Variants in NOX4 observed in about 807,000 individuals in gnomAD.
The protein encoded by NOX4 is kidney oxidase-1.
Under a neutral mutation model 87.6 loss-of-function variants are expected in NOX4, and 69 were observed. The ratio of observed to expected loss-of-function variants is 0.79; its 90% CI spans 0.65 to 0.96. The LOEUF (loss-of-function observed/expected upper bound fraction) is 0.96. NOX4 is among the 40% of genes least tolerant of loss of function. The pLI, the probability that NOX4 is intolerant of heterozygous loss-of-function variation, is 0.00. For missense variants in NOX4, 680 were observed against 681.5 expected (o/e 1.00, Z 0.02); for synonymous variants, 275 against 238.2 (o/e 1.15, Z -1.42).
chr11:89,389,603 T>G (rs1050758628), intron 11 of NOX4, among the ~76,000 whole-genome samples: 1 of 152,184 alleles, frequency 6.6e-6, no homozygotes, highest in African/African-American at 2.4e-5. Flanking sequence ...TTCACATTAC[T>G]ATAGAAAACA....
chr11:89,465,759 T>C (rs1327122653), intron 2 of NOX4, among the ~76,000 whole-genome samples: 1 of 152,160 alleles, frequency 6.6e-6, no homozygotes, highest in Non-Finnish European at 1.5e-5. Flanking sequence ...CATGTGTCTG[T>C]TGGCTGCATA....
chr11:89,558,607 G>C, the NOX4 span, among the ~76,000 whole-genome samples: 1 of 152,102 alleles, frequency 6.6e-6, no homozygotes, highest in Non-Finnish European at 1.5e-5. Context: ...CAAATATGTT[G>C]ACCTATCCTC....
At chr11:89,540,649 A>G in the NOX4 span, among the ~76,000 whole-genome samples, 79,681 of 150,870 alleles carry the variant, frequency 0.53, 22,148 homozygotes, top group African/African-American at 0.7. Context: ...TTAGCCGGGC[A>G]TGGTGGCGGG....
At chr11:89,526,902 T>C in the NOX4 span, among the ~76,000 whole-genome samples, 1 of 152,124 alleles carries the variant, frequency 6.6e-6, no homozygotes, top group African/African-American at 2.4e-5. Flanking sequence ...TTTGGAAGTG[T>C]GTAACAGGCA....
At chr11:89,368,666 T>A (rs1384792331) in intron 12 of NOX4, among the ~76,000 whole-genome samples, 2 of 152,118 alleles carry the variant, frequency 1.3e-5, no homozygotes, top group Non-Finnish European at 2.9e-5. Context: ...TCCTACCTCT[T>A]AATATTATCA....
chr11:89,501,597 G>A (rs912311139), upstream of NOX4, among the ~76,000 whole-genome samples: 2 of 152,026 alleles, frequency 1.3e-5, no homozygotes, highest in Non-Finnish European at 2.9e-5. Flanking sequence ...AGAACCACAA[G>A]GCTGGTATAC....
At chr11:89,518,674 T>C in the NOX4 span, among the ~76,000 whole-genome samples, 1 of 151,970 alleles carries the variant, frequency 6.6e-6, no homozygotes, top group African/African-American at 2.4e-5. Context: ...CTCTACACTT[T>C]TGCCAAATTG....
intron 2 of NOX4, among the ~76,000 whole-genome samples, chr11:89,469,842 T>C (rs1295234186): frequency 6.6e-6 from 1 of 152,198 alleles, no homozygotes; most frequent in Non-Finnish European, 1.5e-5. Context: ...TATTGGACTG[T>C]ACATAGTTAT....
chr11:89,363,340 T>A (rs548484224), intron 12 of NOX4, among the ~76,000 whole-genome samples: 95 of 152,246 alleles, frequency 6.2e-4, no homozygotes, highest in Admixed American at 1.8e-3. Flanking sequence ...ATATTTTGGA[T>A]AATCAGAATT....
the NOX4 span, among the ~76,000 whole-genome samples, chr11:89,518,773 G>T: frequency 1.3e-5 from 2 of 152,006 alleles, no homozygotes; most frequent in Admixed American, 1.3e-4. Flanking sequence ...ACCATGTGAC[G>T]TGGAGTAATT....
intron 11 of NOX4, among the ~76,000 whole-genome samples, chr11:89,395,894 T>C (rs1941450388): frequency 6.6e-6 from 1 of 152,158 alleles, no homozygotes; most frequent in Admixed American, 6.6e-5. Flanking sequence ...CCATGCTGTT[T>C]TGGTTACTGT....
At chr11:89,362,493 G>A (rs927783794) in intron 12 of NOX4, among the ~76,000 whole-genome samples, 1 of 151,948 alleles carries the variant, frequency 6.6e-6, no homozygotes, top group Non-Finnish European at 1.5e-5. Context: ...AGTATTGCCT[G>A]TTGGCTCCTG....
chr11:89,453,884 G>C (rs924719614), intron 2 of NOX4, among the ~76,000 whole-genome samples: 4 of 152,096 alleles, frequency 2.6e-5, no homozygotes, highest in African/African-American at 9.7e-5. Flanking sequence ...CACATATTAG[G>C]TAATAAACAT....
chr11:89,566,208 AATTTTCTGT>A, the NOX4 span, among the ~76,000 whole-genome samples: 4 of 151,808 alleles, frequency 2.6e-5, no homozygotes, highest in African/African-American at 9.7e-5. Context: ...ACGCCCAGCT[AATTTTCTGT>A]ATTTTTTAGT....
At chr11:89,509,991 G>T in the NOX4 span, among the ~76,000 whole-genome samples, 1 of 152,050 alleles carries the variant, frequency 6.6e-6, no homozygotes, top group East Asian at 1.9e-4. Flanking sequence ...ATTAATGGAG[G>T]TAATTTGAAC....
At chr11:89,347,698 C>T (rs1322320114) in intron 13 of NOX4, among the ~76,000 whole-genome samples, 2 of 152,148 alleles carry the variant, frequency 1.3e-5, no homozygotes, top group Admixed American at 6.6e-5. Context: ...CTCCTCCTCT[C>T]CTTCTTGCAT....
intron 13 of NOX4, among the ~76,000 whole-genome samples, chr11:89,346,417 T>C (rs990332313): frequency 5.9e-5 from 9 of 151,888 alleles, no homozygotes; most frequent in African/African-American, 2.2e-4. Flanking sequence ...TATAAGATTT[T>C]TAAGAAAGGA....
chr11:89,508,112 T>C, the NOX4 span, among the ~76,000 whole-genome samples: 1 of 152,086 alleles, frequency 6.6e-6, no homozygotes, highest in African/African-American at 2.4e-5. Context: ...TATTGGTATG[T>C]AAACTGACTT....
chr11:89,431,958 C>A lies in NOX4; in HGVS notation c.548+826G>T, dbSNP rs185356141. ...AAAGACTTGGAACCAACCCAAATGT[C>A]CATCAATGATAGACTGGATTAAGAA... On this transcript the variant is annotated intron_variant, in intron 7 of 17. Transcript: ENST00000263317. Among the ~76,000 whole-genome samples, 416 of 152,252 alleles carry A rather than the reference C, an allele frequency of 2.7e-3. 4 individuals carry two copies. Among genetic ancestry groups the A allele is most frequent in the African/African-American group, 9.4e-3 (390 of 41,544 alleles).
Sources: gnomAD v4.1 joint callset for allele counts (sites outside exome capture counted in the v4.1 genomes callset) on GRCh38, gnomAD v4.1.1 for gene constraint, MANE v1.5 for transcripts, NCBI Gene and HGNC (gene_info 2026-07-23, HGNC 2026-07-21) for gene names.